Variants in PCDHGA6 observed in about 807,000 individuals in gnomAD.
PCDHGA6 encodes protocadherin gamma-A6.
PCDHGA6 carries 41 observed loss-of-function variants against 60.6 expected under a neutral mutation model. The observed-to-expected ratio is 0.68, with a 90% CI of 0.53 to 0.88. The LOEUF (loss-of-function observed/expected upper bound fraction) is 0.88, where lower values mean the gene tolerates loss of function less well. PCDHGA6 is among the 40% of genes least tolerant of loss of function. The probability of loss-of-function intolerance (pLI) is 0.00; values close to 1 mark genes in which losing one functional copy is unlikely to be tolerated. For missense variants in PCDHGA6, 1,312 were observed against 1,203.0 expected (o/e 1.09, Z -1.34); for synonymous variants, 594 against 524.4 (o/e 1.13, Z -1.81).
intron 1 of PCDHGA6, chr5:141,383,041 A>C: frequency 6.2e-7 from 1 of 1,613,860 alleles, no homozygotes; most frequent in Non-Finnish European, 8.5e-7. Context: ...TGTGGGAGAC[A>C]TCGCCAAGGA....
At chr5:141,444,152 A>ATTTTTTTTTTTTTTTTT (rs747671382) in intron 1 of PCDHGA6, among the ~76,000 whole-genome samples, 1 of 33,898 alleles carries the variant, frequency 3.0e-5, no homozygotes, top group African/African-American at 1.4e-4. Context: ...TGTGTACTGG[A>ATTTTTTTTTTTTTTTTT]TTTTTTTTTT....
rs1425489237 is a variant in PCDHGA6 at position 141,374,378 on chromosome 5, A to ACCCCCC, written c.295_296insCCCCCC (p.Ser99delinsThrProArg). 6.2e-7 allele frequency: 1 copy of ACCCCCC among 1,614,038 alleles called. No individual in the cohort carries two copies. Among genetic ancestry groups the ACCCCCC allele is most frequent in the Admixed American group, 1.7e-5 (1 of 60,028 alleles). On this transcript the variant is annotated protein_altering_variant, in exon 1 of 4. Coordinates refer to ENST00000517434, the MANE Select transcript of PCDHGA6 (RefSeq NM_018919.3). ...AGACCGCGAGGAGCTCTGTGCTCAG[A>ACCCCCC]GCCCGCGGTGTCTGGTGAGTTTTAA...
In PCDHGA6 at chr5:141,374,410, T is replaced by G; in HGVS notation, c.327T>G (p.Leu109=). The change falls in exon 1 of 4, where the codon CTT becomes CTG. Residue 109 remains leucine (L), a synonymous_variant. Transcript: ENST00000517434. ...GGTGTCTGGTGAGTTTTAACATCCT[T>G]GTCGAGGATAAACTGAATCTTTATC... is the stretch of plus-strand genomic sequence containing the variant. ...SPRCLVSFNI[L]VEDKLNLYPV... is the part of the protein sequence containing the mutation. 1 of 1,614,012 alleles carries G rather than the reference T, an allele frequency of 6.2e-7. No individual in the cohort carries two copies.
chr5:141,450,826 A>ATTTTT (rs764729742), intron 1 of PCDHGA6, among the ~76,000 whole-genome samples: 2 of 134,302 alleles, frequency 1.5e-5, no homozygotes, highest in African/African-American at 2.9e-5. Flanking sequence ...TATTATTATT[A>ATTTTT]TTATTTTTTT....
At chr5:141,441,196 G>C (rs575668023) in intron 1 of PCDHGA6, 2 of 152,266 alleles carry the variant, frequency 1.3e-5, no homozygotes, top group East Asian at 3.9e-4. Flanking sequence ...GATTCCCAAA[G>C]ATTCTGCACC....
At position 141,375,449 on chromosome 5, in the gene PCDHGA6, TC is replaced by T; in HGVS notation, c.1368del (p.Tyr457ThrfsTer18). ...CAACCCGCCCACCTTCCCCCATTCATCCTACTCAGTCTATGTCCTTGAAAAC... is the reference window on the plus strand; with the variant it reads ...CAACCCGCCCACCTTCCCCCATTCATCTACTCAGTCTATGTCCTTGAAAAC... The part of the protein sequence containing the change: ...NDNPPTFPHS[S>X]YSVYVLENNP... On this transcript the variant is annotated frameshift_variant, in exon 1 of 4. Coordinates refer to ENST00000517434, the MANE Select transcript of PCDHGA6 (RefSeq NM_018919.3). LOFTEE classifies it high-confidence loss of function. The T allele has an allele frequency of 6.2e-7, 1 of 1,613,978 alleles. No homozygotes were observed. The highest frequency in any genetic ancestry group is 8.5e-7 in the Non-Finnish European group (1 of 1,180,016).
intron 1 of PCDHGA6, among the ~76,000 whole-genome samples, chr5:141,436,613 A>C (rs1334315821): frequency 1.3e-5 from 2 of 152,206 alleles, no homozygotes; most frequent in Non-Finnish European, 2.9e-5. Flanking sequence ...AGGGCTAACA[A>C]AAATCTGATT....
In PCDHGA6 at chr5:141,485,146, G is replaced by C; in HGVS notation, c.2425-9661G>C. 6.4e-7 allele frequency: 1 copy of C among 1,569,470 alleles called. No individual in the cohort carries two copies. Among genetic ancestry groups the C allele is most frequent in the Non-Finnish European group, 8.7e-7 (1 of 1,143,568 alleles). On this transcript the variant is annotated intron_variant, in intron 1 of 3. Transcript: ENST00000517434. The surrounding 1 kb of genome is among the most constrained non-coding windows in gnomAD (Gnocchi z 5.7). Reference sequence around the variant, plus strand: ...GGTCGGCTTCATCCGCGTCTCAGGAGCAAGTAGAGAATTAGCGGGCGGCAG... The same window carrying C: ...GGTCGGCTTCATCCGCGTCTCAGGACCAAGTAGAGAATTAGCGGGCGGCAG...
chr5:141,438,599 T>C (rs1320902737), intron 1 of PCDHGA6, among the ~76,000 whole-genome samples: 17 of 32,510 alleles, frequency 5.2e-4, no homozygotes, highest in African/African-American at 6.7e-4. Flanking sequence ...TACATATATA[T>C]ATATATATAT....
At chr5:141,504,364 G>A (rs764741297) in intron 2 of PCDHGA6, among the ~76,000 whole-genome samples, 2 of 152,116 alleles carry the variant, frequency 1.3e-5, no homozygotes, top group African/African-American at 2.4e-5. Flanking sequence ...GCTTCAGTAG[G>A]AAGCAGGTGG....
chr5:141,384,206 C>T (rs887307433), intron 1 of PCDHGA6: 1 of 1,613,928 alleles, frequency 6.2e-7, no homozygotes. Context: ...TCCAGGGAAA[C>T]TCACATATTC....
intron 1 of PCDHGA6, chr5:141,428,105 G>A: frequency 1.9e-6 from 3 of 1,608,184 alleles, no homozygotes; most frequent in Admixed American, 1.7e-5. Flanking sequence ...ACCACGTGCT[G>A]CAGGCCATCG....
At chr5:141,420,024 C>T (rs2096459407) in intron 1 of PCDHGA6, 1 of 1,614,088 alleles carries the variant, frequency 6.2e-7, no homozygotes, top group Non-Finnish European at 8.5e-7. Context: ...TTCAGCCCTA[C>T]TGCAGGAGAC....
intron 3 of PCDHGA6, among the ~76,000 whole-genome samples, chr5:141,507,805 G>C (rs2099863746): frequency 6.6e-6 from 1 of 152,204 alleles, no homozygotes; most frequent in Non-Finnish European, 1.5e-5. Flanking sequence ...TGCGCCCTGG[G>C]GAACGGACCC....
Position 141,393,951 on chromosome 5 carries a change from G to A in PCDHGA6, c.2424+17444G>A, listed in dbSNP as rs778713382. The A allele has an allele frequency of 6.4e-5, 104 of 1,613,726 alleles. No homozygotes were observed. The highest frequency in any genetic ancestry group is 1.6e-4 in the Middle Eastern group (1 of 6,084). ...GCATGACCAAGACTCTGGAAAGAAT[G>A]GTCAAGTTGTCTGTTACACACGTGA... On this transcript the variant is annotated intron_variant, in intron 1 of 3. Transcript: ENST00000517434.
Position 141,476,294 on chromosome 5 carries a change from A to G in PCDHGA6, c.2425-18513A>G. 6.2e-7 allele frequency: 1 copy of G among 1,613,036 alleles called. No homozygotes were observed. The highest frequency in any genetic ancestry group is 8.5e-7 in the Non-Finnish European group (1 of 1,179,642). On this transcript the variant is annotated intron_variant, in intron 1 of 3. Transcript: ENST00000517434. The surrounding 1 kb of genome is among the most constrained non-coding windows in gnomAD (Gnocchi z 7.6). ...CGCGAACCTTGGTTTGGATCTCGGT[A>G]GCCTCTCAGCCCGCAGGTTCCGGGT...
chr5:141,472,095 C>T (rs1186697747), intron 1 of PCDHGA6, among the ~76,000 whole-genome samples: 1 of 151,998 alleles, frequency 6.6e-6, no homozygotes, highest in African/African-American at 2.4e-5. Flanking sequence ...TATTATTATT[C>T]CCATTTTATA....
intron 1 of PCDHGA6, among the ~76,000 whole-genome samples, chr5:141,406,353 T>G (rs1380718525): frequency 6.6e-6 from 1 of 152,196 alleles, no homozygotes; most frequent in Admixed American, 6.5e-5. Context: ...CAGGTCATAC[T>G]ATGTTTGTAA....
rs754541889 is a variant in PCDHGA6, at chr5:141,375,802, T to G, written c.1719T>G (p.Thr573=). The part of the protein sequence containing the change: ...LYPALPTDGS[T]GVELAPRSAE... ...CCGCCCTCCCCACAGACGGTTCCAC[T>G]GGCGTGGAGCTGGCGCCCCGCTCCG... Residue 573 remains threonine (T), a synonymous_variant, in exon 1 of 4, where the codon ACT becomes ACG. Transcript: ENST00000517434. 9.3e-6 allele frequency: 15 copies of G among 1,614,072 alleles called. No individual in the cohort carries two copies. The highest frequency in any genetic ancestry group is 2.2e-5 in the East Asian group (1 of 44,896).
Sources: allele counts gnomAD v4.1 joint callset (sites outside exome capture counted in the v4.1 genomes callset), GRCh38; gene constraint gnomAD v4.1.1; non-coding constraint Gnocchi (gnomAD v3.1); transcripts MANE v1.5; gene names NCBI Gene and HGNC (gene_info 2026-07-23, HGNC 2026-07-21).